NAA60: variants seen among roughly 807,000 people sequenced by gnomAD.
The protein encoded by NAA60 is N-alpha-acetyltransferase 60.
In NAA60, 8 loss-of-function variants were observed where a neutral mutation model predicts 26.1. The observed-to-expected ratio is 0.31, with a 90% CI of 0.18 to 0.55. NAA60 has a LOEUF of 0.55. NAA60 is among the 20% of genes least tolerant of loss of function. The pLI is 0.93. For synonymous variants in NAA60, 131 were observed against 122.5 expected, an observed-to-expected ratio of 1.07 and a Z score of -0.46; for missense variants, 290 against 311.3, an observed-to-expected ratio of 0.93 and a Z score of 0.51.
At chr16:3,452,087 C>T (rs2034808735) in intron 2 of NAA60, among the ~76,000 whole-genome samples, 1 of 152,048 alleles carries the variant, frequency 6.6e-6, no homozygotes, top group Non-Finnish European at 1.5e-5. Context: ...GTGGCGCATG[C>T]CTGTACTCCC....
At position 3,479,613 on chromosome 16, in the gene NAA60, G is replaced by A. The variant is rs771920519; in HGVS notation, c.240+13G>A. 2 of 1,613,380 alleles carry A rather than the reference G, an allele frequency of 1.2e-6. No individual in the cohort carries two copies. The highest frequency in any genetic ancestry group is 1.1e-5 in the South Asian group (1 of 90,992). On this transcript the variant is annotated intron_variant, in intron 4 of 7. Transcript: ENST00000407558. ...AATACATAAAGAGGTACGTACGTGT[G>A]TGCAGTGAGGACTTGGCAGTCACTG...
At chr16:3,447,275 CTA>C (rs1334087185) in intron 1 of NAA60, among the ~76,000 whole-genome samples, 3 of 152,114 alleles carry the variant, frequency 2.0e-5, no homozygotes, top group African/African-American at 7.2e-5. Context: ...CTTTTGAAGA[CTA>C]TGCGTTAAAA....
At chr16:3,471,817 C>T (rs893787851) in intron 2 of NAA60, among the ~76,000 whole-genome samples, 1 of 152,170 alleles carries the variant, frequency 6.6e-6, no homozygotes, top group African/African-American at 2.4e-5. Context: ...GCCAGGTGGG[C>T]AGCCTTTCCC....
intron 2 of NAA60, among the ~76,000 whole-genome samples, chr16:3,465,748 G>A (rs2035717464): frequency 6.6e-6 from 1 of 152,202 alleles, no homozygotes; most frequent in Admixed American, 6.6e-5. Flanking sequence ...TCTAGCAAAA[G>A]CAGTGGGTTT....
intron 2 of NAA60, among the ~76,000 whole-genome samples, chr16:3,474,406 G>A (rs1174371862): frequency 6.6e-6 from 1 of 152,252 alleles, no homozygotes; most frequent in Admixed American, 6.5e-5. Flanking sequence ...GAACCACCCT[G>A]GGGAGGGGCC....
intron 1 of NAA60, among the ~76,000 whole-genome samples, chr16:3,447,186 T>G (rs2034590810): frequency 6.6e-6 from 1 of 152,212 alleles, no homozygotes; most frequent in African/African-American, 2.4e-5. Context: ...TTTATGATGA[T>G]GCAGCTGTAT....
At chr16:3,448,742 C>T (rs554562545) in intron 2 of NAA60, 3 of 519,394 alleles carry the variant, frequency 5.8e-6, no homozygotes, top group South Asian at 4.6e-5. Context: ...ACGTTAGGTA[C>T]ACAGGGATAC....
At chr16:3,469,451 G>A (rs368484323) in intron 2 of NAA60, among the ~76,000 whole-genome samples, 82 of 120,636 alleles carry the variant, frequency 6.8e-4, no homozygotes, top group African/African-American at 1.7e-3. Flanking sequence ...CATCCTGTTT[G>A]GAGGGCTCAG....
intron 2 of NAA60, among the ~76,000 whole-genome samples, chr16:3,462,132 A>G (rs1418621919): frequency 6.9e-6 from 1 of 144,082 alleles, no homozygotes; most frequent in Non-Finnish European, 1.5e-5. Context: ...TTTGTGGTAT[A>G]GTTACTGTTA....
rs73489644 is a variant in NAA60, at chr16:3,479,390, C to T, written c.111-81C>T. Reference sequence around the variant, plus strand: ...AGCAGGCAGAAGTGGCCCAGAGCTCCCTGTGGTTCTGATGTCTAGAGCACG... The same window carrying T: ...AGCAGGCAGAAGTGGCCCAGAGCTCTCTGTGGTTCTGATGTCTAGAGCACG... On this transcript the variant is annotated intron_variant, in intron 3 of 7. Coordinates refer to ENST00000407558, the MANE Select transcript of NAA60 (RefSeq NM_001083601.3). The T allele has an allele frequency of 1.8e-3, 2,759 of 1,503,982 alleles. 34 individuals carry two copies. The African/African-American group carries it at 0.033, about 18-fold the overall frequency. 93.2% of individuals were successfully genotyped at this position (1,503,982 alleles called of 1,614,324 possible). A position where few individuals can be genotyped will look rare whatever the true frequency, so the allele number is the denominator to read the frequency against.
At chr16:3,452,667 G>C (rs567836622) in intron 2 of NAA60, among the ~76,000 whole-genome samples, 1 of 148,234 alleles carries the variant, frequency 6.7e-6, no homozygotes, top group East Asian at 2.0e-4. Context: ...AAAAAAAAAA[G>C]AATGCTTGGT....
chr16:3,476,399 G>A (rs894873956), intron 3 of NAA60, 62 bp downstream of exon 3: 12 of 1,406,568 alleles, frequency 8.5e-6, no homozygotes, highest in Admixed American at 3.8e-5. Context: ...GAAGCTGGGC[G>A]GCGGGGGTGG....
chr16:3,482,745 GT>G (rs1233484873), intron 5 of NAA60, 147 bp downstream of exon 5: 1 of 655,464 alleles, frequency 1.5e-6, no homozygotes, highest in Non-Finnish European at 2.7e-6. Flanking sequence ...CCTCGTTCCC[GT>G]CTTGGGCCAG....
At chr16:3,478,124 T>C (rs1181906036) in intron 3 of NAA60, among the ~76,000 whole-genome samples, 3 of 151,670 alleles carry the variant, frequency 2.0e-5, no homozygotes, top group Non-Finnish European at 4.4e-5. Flanking sequence ...TAACCCCAGC[T>C]ACTCGGGAGG....
chr16:3,482,531 T>C lies in NAA60; in HGVS notation c.270T>C (p.Ser90=). ...EDGDILASNF[S]VDTQVAYILS... ...GAGATATTCTAGCATCCAACTTCTC[T>C]GTTGACACACAAGTCGCGTACATCC... is the stretch of plus-strand genomic sequence containing the variant. The change falls in exon 5 of 8, where the codon TCT becomes TCC. Residue 90 remains serine (S), a synonymous_variant. Coordinates refer to ENST00000407558, the MANE Select transcript of NAA60 (RefSeq NM_001083601.3). 6.2e-7 allele frequency: 1 copy of C among 1,607,270 alleles called. No homozygotes were observed. The highest frequency in any genetic ancestry group is 8.5e-7 in the Non-Finnish European group (1 of 1,176,958).
chr16:3,447,778 C>G (rs1455681073), intron 1 of NAA60, among the ~76,000 whole-genome samples: 1 of 152,200 alleles, frequency 6.6e-6, no homozygotes, highest in Admixed American at 6.5e-5. Context: ...GAGGCTCACA[C>G]AGTTTTGAAA....
At chr16:3,479,628 G>C in intron 4 of NAA60, 28 bp downstream of exon 4, 1 of 1,611,488 alleles carries the variant, frequency 6.2e-7, no homozygotes, top group South Asian at 1.1e-5. Context: ...GTGAGGACTT[G>C]GCAGTCACTG....
At position 3,455,318 on chromosome 16, in the gene NAA60, G is replaced by A. The variant is rs141941243; in HGVS notation, c.-7+6778G>A. Among the ~76,000 whole-genome samples, 362 of 151,790 alleles carry A rather than the reference G, an allele frequency of 2.4e-3. 3 individuals are homozygous for A. The highest frequency in any genetic ancestry group is 7.9e-3 in the African/African-American group (327 of 41,346). ...CCTCTTGACCTCAAGTGATCCACCC[G>A]CGTCAGCCTCCCAAAGTGCTGGGAT... On this transcript the variant is annotated intron_variant, in intron 2 of 7. Coordinates refer to ENST00000407558, the MANE Select transcript of NAA60 (RefSeq NM_001083601.3).
chr16:3,456,170 G>GT (rs1047909392), intron 2 of NAA60, among the ~76,000 whole-genome samples: 40 of 152,224 alleles, frequency 2.6e-4, no homozygotes, highest in Admixed American at 1.9e-3. Flanking sequence ...CTTAGGGAGT[G>GT]TTTTTTCAAA....
Sources: allele counts gnomAD v4.1 joint callset (sites outside exome capture counted in the v4.1 genomes callset), GRCh38; gene constraint gnomAD v4.1.1; transcripts MANE v1.5; gene names NCBI Gene and HGNC (gene_info 2026-07-23, HGNC 2026-07-21).